SCN11A: variants seen among roughly 807,000 people sequenced by gnomAD.
SCN11A encodes the protein sodium channel protein type 11 subunit alpha.
In SCN11A, 122 loss-of-function variants were observed where a neutral mutation model predicts 162.2. The observed-to-expected ratio is 0.75, with a 90% CI of 0.65 to 0.87. The LOEUF is 0.87. SCN11A is among the 40% of genes least tolerant of loss of function. The pLI is 0.00. For synonymous variants in SCN11A, 758 were observed against 751.5 expected, an observed-to-expected ratio of 1.01 and a Z score of -0.14; for missense variants, 2,015 against 2,181.6, an observed-to-expected ratio of 0.92 and a Z score of 1.52.
At position 38,907,985 on chromosome 3, in the gene SCN11A, A is replaced by G. The variant is rs767647177; in HGVS notation, c.1437T>C (p.Pro479=). Reference sequence around the variant, plus strand: ...AATCTTCATCAGAATCTGACCCAGGAGGCTGGTCTTTCCCAGACTCTCTCA... The same window carrying G: ...AATCTTCATCAGAATCTGACCCAGGGGGCTGGTCTTTCCCAGACTCTCTCA... ...FFLRESGKDQ[P]PGSDSDEDCQ... Residue 479 remains proline, a synonymous_variant, in exon 14 of 30, where the codon CCT becomes CCC. Coordinates refer to ENST00000302328, the MANE Select transcript of SCN11A (RefSeq NM_001349253.2). 1.2e-6 allele frequency: 2 copies of G among 1,610,262 alleles called. No homozygotes were observed. The highest frequency in any genetic ancestry group is 3.4e-5 in the Admixed American group (2 of 59,150).
intron 8 of SCN11A, among the ~76,000 whole-genome samples, chr3:38,926,330 C>A (rs1247739384): frequency 2.0e-5 from 3 of 152,096 alleles, no homozygotes; most frequent in Non-Finnish European, 4.4e-5. Flanking sequence ...CTTGTAGCAG[C>A]CAAAGATTTT....
rs184420639 is a variant in SCN11A at position 39,030,798 on chromosome 3, C to T, written c.-280+1582G>A. On this transcript the variant is annotated intron_variant, in intron 2 of 29. Coordinates refer to ENST00000302328, the MANE Select transcript of SCN11A (RefSeq NM_001349253.2). ...TTTATTTTGCCCACTTAGTACTTTA[C>T]AAACACATTTTGCTTTATTTCTTTT... Among the ~76,000 whole-genome samples the T allele has an allele frequency of 2.5e-3, 376 of 152,258 alleles. 2 individuals are homozygous for T. Among genetic ancestry groups the T allele is most frequent in the Admixed American group, 3.9e-3 (59 of 15,290 alleles).
intron 23 of SCN11A, among the ~76,000 whole-genome samples, chr3:38,874,398 G>A (rs1464550287): frequency 6.6e-6 from 1 of 152,152 alleles, no homozygotes; most frequent in Non-Finnish European, 1.5e-5. Flanking sequence ...AGGAGTCTGA[G>A]ACCAGCCTGG....
At chr3:38,898,757 T>G (rs1293499996) in intron 17 of SCN11A, among the ~76,000 whole-genome samples, 1 of 152,068 alleles carries the variant, frequency 6.6e-6, no homozygotes, top group East Asian at 1.9e-4. Flanking sequence ...CATCCCCTAT[T>G]TGGGGATGGA....
At chr3:38,997,281 C>T (rs1157799128) in intron 2 of SCN11A, among the ~76,000 whole-genome samples, 1 of 152,200 alleles carries the variant, frequency 6.6e-6, no homozygotes, top group Non-Finnish European at 1.5e-5. Flanking sequence ...ATCAGTCTTC[C>T]TGATGTTCCT....
intron 2 of SCN11A, among the ~76,000 whole-genome samples, chr3:39,022,258 TCTC>T (rs1276628552): frequency 1.3e-5 from 2 of 152,212 alleles, no homozygotes; most frequent in South Asian, 4.1e-4. Flanking sequence ...TGTGCATGTT[TCTC>T]CTTTCATAAA....
chr3:38,889,271 C>A (rs946227341), intron 19 of SCN11A, among the ~76,000 whole-genome samples: 3 of 151,630 alleles, frequency 2.0e-5, no homozygotes, highest in African/African-American at 7.3e-5. Flanking sequence ...ACTAAAAATA[C>A]CAAATTAGCC....
chr3:38,928,688 C>G, intron 7 of SCN11A, among the ~76,000 whole-genome samples: 1 of 152,086 alleles, frequency 6.6e-6, no homozygotes, highest in East Asian at 1.9e-4. Context: ...AAAAGATGCT[C>G]AACATCACTA....
intron 2 of SCN11A, among the ~76,000 whole-genome samples, chr3:39,014,033 A>G (rs932827247): frequency 2.0e-5 from 3 of 152,200 alleles, no homozygotes; most frequent in Non-Finnish European, 4.4e-5. Context: ...TACCCATTCC[A>G]TAATACCTTT....
intron 2 of SCN11A, among the ~76,000 whole-genome samples, chr3:39,009,053 T>C (rs745437280): frequency 6.6e-6 from 1 of 152,034 alleles, no homozygotes; most frequent in Non-Finnish European, 1.5e-5. Context: ...CTCATAAGTA[T>C]ACAAAAAAGT....
chr3:38,873,351 C>T (rs2065158754), intron 23 of SCN11A, among the ~76,000 whole-genome samples: 1 of 152,018 alleles, frequency 6.6e-6, no homozygotes, highest in African/African-American at 2.4e-5. Context: ...TTCACTATTA[C>T]CTAAAAACAT....
chr3:38,869,210 C>G (rs895437147), intron 26 of SCN11A, among the ~76,000 whole-genome samples: 12 of 152,110 alleles, frequency 7.9e-5, no homozygotes, highest in African/African-American at 2.7e-4. Flanking sequence ...ACTCTTGGAG[C>G]ATTTGCAAGC....
At chr3:38,868,110 T>G (rs2065070733) in intron 26 of SCN11A, among the ~76,000 whole-genome samples, 1 of 152,200 alleles carries the variant, frequency 6.6e-6, no homozygotes. Context: ...TAAGAGCCCT[T>G]TCATCCAAGT....
rs116132156 is a variant in SCN11A at position 38,982,187 on chromosome 3, G to C, written c.-279-21764C>G. Among the ~76,000 whole-genome samples the C allele has an allele frequency of 8.0e-3, 1,222 of 152,292 alleles. 20 individuals carry two copies. The highest frequency in any genetic ancestry group is 0.028 in the African/African-American group (1,175 of 41,554). On this transcript the variant is annotated intron_variant, in intron 2 of 29. Transcript: ENST00000302328. ...AGAACTGTGGGATTGAGCAAAAGAT[G>C]AAAGTACCAACTTGGGCCAACCCTG... is the stretch of plus-strand genomic sequence containing the variant.
chr3:39,018,545 G>A (rs547929144), intron 2 of SCN11A, among the ~76,000 whole-genome samples: 21 of 152,102 alleles, frequency 1.4e-4, no homozygotes, highest in Non-Finnish European at 4.4e-5. Context: ...TGGGCCAGGC[G>A]CGGTGGCTCA....
At chr3:38,945,915 A>G (rs1353591424) in intron 6 of SCN11A, among the ~76,000 whole-genome samples, 1 of 152,064 alleles carries the variant, frequency 6.6e-6, no homozygotes, top group Non-Finnish European at 1.5e-5. Context: ...CTCCTCTGTT[A>G]AATCACTTAA....
chr3:38,894,753 C>T lies in SCN11A; in HGVS notation c.2615G>A (p.Gly872Asp), dbSNP rs746903558. 6.2e-7 allele frequency: 1 copy of T among 1,614,188 alleles called. No individual in the cohort carries two copies. Among genetic ancestry groups the T allele is most frequent in the Admixed American group, 1.7e-5 (1 of 60,020 alleles). The change falls in exon 19 of 30, where the codon GGC (glycine) becomes GAC (aspartate). Residue 872 changes from glycine (G) to aspartate (D), a missense_variant. Gly to Asp is a moderately conservative substitution (Grantham distance 94). Coordinates refer to ENST00000302328, the MANE Select transcript of SCN11A (RefSeq NM_001349253.2). Reference sequence around the variant, plus strand: ...GATGTCTTTGCTTTGTGCAGCACAGCCTCCTGCCACCTCTTTTTGCTGTGG... The same window carrying T: ...GATGTCTTTGCTTTGTGCAGCACAGTCTCCTGCCACCTCTTTTTGCTGTGG... ...NLPQQKEVAGGCAAQSKDIIP... is the reference protein window; with the variant it reads ...NLPQQKEVAGDCAAQSKDIIP...
chr3:38,979,450 T>C (rs74658108), intron 2 of SCN11A, among the ~76,000 whole-genome samples: 1 of 152,330 alleles, frequency 6.6e-6, no homozygotes, highest in Non-Finnish European at 1.5e-5. Flanking sequence ...CAGTGCTTTC[T>C]GAATCTTCTG....
chr3:38,965,297 T>C (rs952307179), intron 2 of SCN11A, among the ~76,000 whole-genome samples: 4 of 152,202 alleles, frequency 2.6e-5, no homozygotes, highest in African/African-American at 7.2e-5. Context: ...AACCTCCTCA[T>C]AGTCCTTTCT....
Sources: allele counts gnomAD v4.1 joint callset (sites outside exome capture counted in the v4.1 genomes callset), GRCh38; gene constraint gnomAD v4.1.1; transcripts MANE v1.5; gene names NCBI Gene and HGNC (gene_info 2026-07-23, HGNC 2026-07-21).